The following ADCY1 variants were observed in gnomAD, a reference collection of about 807,000 sequenced individuals.
The protein encoded by ADCY1 is adenylate cyclase type 1.
Under a neutral mutation model 105.4 loss-of-function variants are expected in ADCY1, and 28 were observed. The observed-to-expected ratio is 0.27, with a 90% CI of 0.20 to 0.36. The LOEUF is 0.36. ADCY1 is among the 10% of genes least tolerant of loss of function. ADCY1 has a pLI of 1.00. For synonymous variants in ADCY1, 655 were observed against 623.8 expected (o/e 1.05, Z -0.75); for missense variants, 977 against 1,434.2 (o/e 0.68, Z 5.15).
intron 18 of ADCY1, among the ~76,000 whole-genome samples, chr7:45,709,281 T>C: frequency 6.6e-6 from 1 of 152,194 alleles, no homozygotes; most frequent in Non-Finnish European, 1.5e-5. Context: ...CTGATGTGCC[T>C]GAAAATCAAT....
At chr7:45,611,882 C>T (rs970727532) in intron 3 of ADCY1, among the ~76,000 whole-genome samples, 11 of 152,118 alleles carry the variant, frequency 7.2e-5, no homozygotes, top group African/African-American at 2.4e-4. Context: ...CCTCACTGCC[C>T]ATTTGGCCTC....
intron 3 of ADCY1, 96 bp from the exon 4 acceptor site, chr7:45,622,536 C>G: frequency 1.2e-6 from 1 of 868,382 alleles, no homozygotes; most frequent in Non-Finnish European, 1.9e-6. Flanking sequence ...GTGATTGATT[C>G]TACAGTGATT....
At chr7:45,692,051 C>T (rs905236055) in intron 14 of ADCY1, among the ~76,000 whole-genome samples, 4 of 152,206 alleles carry the variant, frequency 2.6e-5, no homozygotes, top group African/African-American at 9.7e-5. Context: ...TGAGTACATC[C>T]TCACAAACAG....
intron 4 of ADCY1, among the ~76,000 whole-genome samples, chr7:45,642,492 GC>G (rs1033521926): frequency 2.0e-5 from 3 of 152,032 alleles, no homozygotes; most frequent in Non-Finnish European, 4.4e-5. Context: ...TCCCATTTTG[GC>G]CCCCCATCCT....
At chr7:45,681,935 G>A (rs113249781) in intron 11 of ADCY1, among the ~76,000 whole-genome samples, 282 of 152,294 alleles carry the variant, frequency 1.9e-3, no homozygotes, top group African/African-American at 6.5e-3. Flanking sequence ...GGGTGCCCAG[G>A]GCAGTGTGGC....
intron 1 of ADCY1, among the ~76,000 whole-genome samples, chr7:45,577,807 G>C (rs999447742): frequency 6.6e-6 from 1 of 152,190 alleles, no homozygotes; most frequent in African/African-American, 2.4e-5. Flanking sequence ...TTCCAGAGTC[G>C]GGTTAACTCC....
intron 14 of ADCY1, among the ~76,000 whole-genome samples, chr7:45,688,981 T>C (rs1407555542): frequency 6.6e-6 from 1 of 150,748 alleles, no homozygotes; most frequent in African/African-American, 2.4e-5. Context: ...TCAGCCTGTG[T>C]ATTAAGTTAG....
chr7:45,665,068 A>T (rs945848833), intron 8 of ADCY1, among the ~76,000 whole-genome samples: 6 of 152,102 alleles, frequency 3.9e-5, no homozygotes, highest in African/African-American at 1.2e-4. Context: ...GCTGAGGATG[A>T]TGGTTTCCAG....
chr7:45,576,023 G>A (rs888969694), intron 1 of ADCY1, among the ~76,000 whole-genome samples: 1 of 147,596 alleles, frequency 6.8e-6, no homozygotes, highest in African/African-American at 2.5e-5. Flanking sequence ...CATCTCCAAC[G>A]GGCCGCAGGG....
chr7:45,595,487 T>A (rs926357567), intron 2 of ADCY1, among the ~76,000 whole-genome samples: 2 of 152,222 alleles, frequency 1.3e-5, no homozygotes, highest in East Asian at 3.9e-4. Flanking sequence ...TTACTAAGGC[T>A]GACGGCGACT....
At chr7:45,606,394 T>C (rs1347832314) in intron 2 of ADCY1, among the ~76,000 whole-genome samples, 5 of 152,222 alleles carry the variant, frequency 3.3e-5, no homozygotes, top group Non-Finnish European at 5.9e-5. Flanking sequence ...GGAAGTTTTC[T>C]TCTTGTGAGG....
At position 45,662,059 on chromosome 7, in the gene ADCY1, A is replaced by G. The variant is rs1247050201; in HGVS notation, c.1450A>G (p.Ile484Val). The G allele has an allele frequency of 1.9e-6, 3 of 1,613,632 alleles. No homozygotes were observed. The highest frequency in any genetic ancestry group is 1.6e-4 in the Middle Eastern group (1 of 6,078). Residue 484 changes from isoleucine to valine, a missense_variant and splice_region_variant, in exon 8 of 20, where the codon ATA (isoleucine) becomes GTA (valine). Coordinates refer to ENST00000297323, the MANE Select transcript of ADCY1 (RefSeq NM_021116.4). The part of the protein sequence containing the change: ...FFIVPSHRRK[I>V]FPGLILSDIK... ...CCTTGCCCCTTGTGTGTTTGGACAG[A>G]TATTTCCAGGCCTGATTCTCTCAGA...
At chr7:45,656,069 C>T (rs893230322) in intron 5 of ADCY1, among the ~76,000 whole-genome samples, 46 of 151,816 alleles carry the variant, frequency 3.0e-4, no homozygotes, top group African/African-American at 1.0e-3. Context: ...AGGCAGATCA[C>T]GAGGTCAGGA....
At chr7:45,662,270 C>T in intron 8 of ADCY1, 56 bp downstream of exon 8, 1 of 1,556,892 alleles carries the variant, frequency 6.4e-7, no homozygotes, top group Non-Finnish European at 8.7e-7. Context: ...GATCTCTGTC[C>T]TGCCCTCCCA....
At chr7:45,662,755 C>T (rs890563695) in intron 8 of ADCY1, among the ~76,000 whole-genome samples, 3 of 152,182 alleles carry the variant, frequency 2.0e-5, no homozygotes, top group Non-Finnish European at 2.9e-5. Flanking sequence ...AAACAGTCTT[C>T]TCAGCAGTCT....
chr7:45,603,667 C>T (rs946181481), intron 2 of ADCY1, among the ~76,000 whole-genome samples: 2 of 152,114 alleles, frequency 1.3e-5, no homozygotes, highest in Non-Finnish European at 2.9e-5. Context: ...CCTGAGGATC[C>T]CTCATGTTCC....
chr7:45,585,699 C>T (rs1444647499), intron 1 of ADCY1, among the ~76,000 whole-genome samples: 3 of 152,116 alleles, frequency 2.0e-5, no homozygotes, highest in African/African-American at 4.8e-5. Flanking sequence ...CCACCCACCT[C>T]GGCCTCCCAA....
chr7:45,677,103 C>T (rs576132511), intron 8 of ADCY1, among the ~76,000 whole-genome samples: 3 of 152,170 alleles, frequency 2.0e-5, no homozygotes, highest in Admixed American at 6.5e-5. Context: ...AAGGTCCCTG[C>T]GATCACCCTC....
Position 45,721,865 on chromosome 7 carries a change from G to A in ADCY1, c.*7870G>A, listed in dbSNP as rs568836550. 1.0e-5 allele frequency: 4 copies of A among 398,632 alleles called. No homozygotes were observed. The highest frequency in any genetic ancestry group is 6.2e-5 in the African/African-American group (3 of 48,740). The allele number at this position is 398,632 out of a possible 1,614,324, so 24.7% of individuals were successfully genotyped here. On this transcript the variant is annotated 3_prime_UTR_variant, in exon 20 of 20. Coordinates refer to ENST00000297323, the MANE Select transcript of ADCY1 (RefSeq NM_021116.4). Reference sequence around the variant, plus strand: ...CTTCAAATAGGTTGCTTTCAAAAGAGCTTTCAGGCACTTATTGAGAATTAA... The same window carrying A: ...CTTCAAATAGGTTGCTTTCAAAAGAACTTTCAGGCACTTATTGAGAATTAA...
Sources: gnomAD v4.1 joint callset for allele counts (sites outside exome capture counted in the v4.1 genomes callset) on GRCh38, gnomAD v4.1.1 for gene constraint, MANE v1.5 for transcripts, NCBI Gene and HGNC (gene_info 2026-07-23, HGNC 2026-07-21) for gene names.